Variants in ITPR2 observed in about 807,000 individuals in gnomAD.
ITPR2 encodes inositol 1,4,5-trisphosphate receptor type 2.
ITPR2 carries 207 observed loss-of-function variants against 317.1 expected under a neutral mutation model. The ratio of observed to expected loss-of-function variants is 0.65; its 90% CI spans 0.58 to 0.73. The LOEUF is 0.73. ITPR2 is among the 30% of genes least tolerant of loss of function. The probability of loss-of-function intolerance (pLI) is 0.00; values close to 1 mark genes in which losing one functional copy is unlikely to be tolerated. For synonymous variants in ITPR2, 1,156 were observed against 1,149.1 expected, an observed-to-expected ratio of 1.01 and a Z score of -0.12; for missense variants, 2,613 against 3,284.0, an observed-to-expected ratio of 0.80 and a Z score of 4.99.
intron 49 of ITPR2, among the ~76,000 whole-genome samples, chr12:26,421,068 T>A (rs1940877744): frequency 6.6e-6 from 1 of 151,922 alleles, no homozygotes; most frequent in Non-Finnish European, 1.5e-5. Flanking sequence ...ATTCTCCAAA[T>A]GAAATCATAA....
At chr12:26,516,250 A>AAG (rs1943493740) in intron 37 of ITPR2, among the ~76,000 whole-genome samples, 1 of 34,666 alleles carries the variant, frequency 2.9e-5, no homozygotes, top group Non-Finnish European at 7.0e-5. Context: ...AGGAAAGGAA[A>AAG]GGAAAGGAAA....
In ITPR2 at chr12:26,512,821, ATTTTTTT is replaced by A. The variant is rs371730693; in HGVS notation, c.5074-17568_5074-17562del. On this transcript the variant is annotated intron_variant, in intron 37 of 56. Coordinates refer to ENST00000381340, the MANE Select transcript of ITPR2 (RefSeq NM_002223.4). ...TCTCAACGGACAGGGAAGGGAAACAATTTTTTTTTTTTTTTTTTTGAGACAGAGTTTT... is the reference window on the plus strand; with the variant it reads ...TCTCAACGGACAGGGAAGGGAAACAATTTTTTTTTTTTGAGACAGAGTTTT... 1.3e-4 allele frequency among the ~76,000 whole-genome samples: 18 copies of A among 135,424 alleles called. No individual in the cohort carries two copies. In the East Asian group the frequency reaches 3.2e-3, roughly 24 times the overall value. The allele number at this position is 135,424 out of a possible 152,430, so 88.8% of individuals were successfully genotyped here.
Position 26,340,806 on chromosome 12 carries a change from C to T in ITPR2, c.7858-478G>A, listed in dbSNP as rs184160119. 2.0e-3 allele frequency among the ~76,000 whole-genome samples: 299 copies of T among 152,280 alleles called. 4 individuals are homozygous for T. The highest frequency in any genetic ancestry group is 3.4e-3 in the Middle Eastern group (1 of 294). On this transcript the variant is annotated intron_variant, in intron 55 of 56. Coordinates refer to ENST00000381340, the MANE Select transcript of ITPR2 (RefSeq NM_002223.4). Reference sequence around the variant, plus strand: ...CTCCCACTTCCTCTGTAAAGGCTCCCCACCAGCTCTGCCTCCCTCAGAGCT... The same window carrying T: ...CTCCCACTTCCTCTGTAAAGGCTCCTCACCAGCTCTGCCTCCCTCAGAGCT...
At chr12:26,447,994 CT>C (rs376160734) in intron 45 of ITPR2, among the ~76,000 whole-genome samples, 1 of 82,166 alleles carries the variant, frequency 1.2e-5, no homozygotes, top group Non-Finnish European at 3.3e-5. Flanking sequence ...TTTTACATGA[CT>C]TTTTTTTAAA....
chr12:26,600,290 T>G (rs1945964915), intron 28 of ITPR2, among the ~76,000 whole-genome samples, 181 bp from the exon 29 acceptor site: 1 of 152,134 alleles, frequency 6.6e-6, no homozygotes, highest in South Asian at 2.1e-4. Flanking sequence ...CTCTGTTTTC[T>G]AGATCTTTCT....
intron 15 of ITPR2, among the ~76,000 whole-genome samples, chr12:26,659,603 C>G (rs759353475): frequency 6.6e-6 from 1 of 152,042 alleles, no homozygotes; most frequent in African/African-American, 2.4e-5. Context: ...GACACAATAA[C>G]TTTGGATTTC....
chr12:26,774,441 C>T (rs983691221), intron 2 of ITPR2, among the ~76,000 whole-genome samples: 12 of 152,124 alleles, frequency 7.9e-5, no homozygotes, highest in African/African-American at 2.9e-4. Flanking sequence ...GAGTTCGAAA[C>T]CAGCCTGGTC....
intron 2 of ITPR2, among the ~76,000 whole-genome samples, chr12:26,782,026 A>G (rs1433114997): frequency 0.041 from 1,037 of 25,426 alleles, 3 homozygotes; most frequent in African/African-American, 0.072. Flanking sequence ...ATATATATAT[A>G]TATATATGTA....
At chr12:26,525,227 A>G (rs1233527486) in intron 37 of ITPR2, among the ~76,000 whole-genome samples, 1 of 152,224 alleles carries the variant, frequency 6.6e-6, no homozygotes, top group Non-Finnish European at 1.5e-5. Context: ...CTACTCTAAT[A>G]TCCCTGCCAA....
At chr12:26,387,774 G>A (rs1004158983) in intron 54 of ITPR2, among the ~76,000 whole-genome samples, 180 bp from the exon 55 acceptor site, 2 of 152,160 alleles carry the variant, frequency 1.3e-5, no homozygotes, top group South Asian at 2.1e-4. Context: ...AGAGGCCATC[G>A]TTTATAGATT....
At chr12:26,518,625 T>A (rs1943590004) in intron 37 of ITPR2, among the ~76,000 whole-genome samples, 2 of 151,954 alleles carry the variant, frequency 1.3e-5, no homozygotes, top group African/African-American at 2.4e-5. Context: ...AAAATAAATG[T>A]CATACCCAAA....
chr12:26,624,843 G>A (rs1946584231), intron 23 of ITPR2, among the ~76,000 whole-genome samples: 1 of 151,502 alleles, frequency 6.6e-6, no homozygotes, highest in South Asian at 2.1e-4. Flanking sequence ...GGGTGTATAT[G>A]AAAAAGAAAG....
intron 37 of ITPR2, among the ~76,000 whole-genome samples, chr12:26,515,699 A>G (rs1373670315): frequency 2.6e-5 from 4 of 152,134 alleles, no homozygotes; most frequent in Non-Finnish European, 2.9e-5. Context: ...CGCATCCCCA[A>G]GAAGTTAAGG....
Position 26,631,736 on chromosome 12 carries a change from C to A in ITPR2, c.2934+130G>T. On this transcript the variant is annotated intron_variant, in intron 22 of 56. Transcript: ENST00000381340. The stretch of plus-strand genomic sequence containing the variant: ...TATTTTTTACCAGGTTTGTCATTAA[C>A]TTAAAAAAATAAAATTATATTGATA... 5 of 762,434 alleles carry A rather than the reference C, an allele frequency of 6.6e-6. No individual in the cohort carries two copies. In the South Asian group the frequency reaches 9.5e-5, roughly 15 times the overall value. 47.2% of individuals were successfully genotyped at this position (762,434 alleles called of 1,614,324 possible).
intron 9 of ITPR2, among the ~76,000 whole-genome samples, chr12:26,710,950 T>C (rs749057656): frequency 2.6e-5 from 4 of 152,204 alleles, no homozygotes; most frequent in Non-Finnish European, 5.9e-5. Context: ...GTAAAACAAC[T>C]GCAGAGTTTT....
At position 26,810,174 on chromosome 12, in the gene ITPR2, G is replaced by T. The variant is rs113798298; in HGVS notation, c.93-19947C>A. ...TCTGTGATGGGCACATGACTGAAAG[G>T]TTCACTCTGGAAGGAGATTTAGTAT... On this transcript the variant is annotated intron_variant, in intron 1 of 56. Coordinates refer to ENST00000381340, the MANE Select transcript of ITPR2 (RefSeq NM_002223.4). Among the ~76,000 whole-genome samples, 47 of 152,324 alleles carry T rather than the reference G, an allele frequency of 3.1e-4. 1 individual carries two copies. The highest frequency in any genetic ancestry group is 1.0e-3 in the African/African-American group (43 of 41,576).
At chr12:26,696,504 T>C (rs1948353474) in intron 9 of ITPR2, among the ~76,000 whole-genome samples, 1 of 152,046 alleles carries the variant, frequency 6.6e-6, no homozygotes, top group Admixed American at 6.6e-5. Flanking sequence ...GCTCTGAGAA[T>C]TGCCCCTTCC....
chr12:26,561,750 G>A lies in ITPR2; in HGVS notation c.4821+12C>T, dbSNP rs200340714. 6.7e-5 allele frequency: 103 copies of A among 1,531,940 alleles called. No homozygotes were observed. Among genetic ancestry groups the A allele is most frequent in the African/African-American group, 1.9e-4 (13 of 69,668 alleles). 94.9% of individuals were successfully genotyped at this position (1,531,940 alleles called of 1,614,324 possible). On this transcript the variant is annotated intron_variant, in intron 35 of 56. Coordinates refer to ENST00000381340, the MANE Select transcript of ITPR2 (RefSeq NM_002223.4). ...TTAGAAAATATTAATGCTATTTCAC[G>A]CTTTCATGTACCTGTAACTTTTCAA...
chr12:26,546,680 C>T (rs940241373), intron 37 of ITPR2, among the ~76,000 whole-genome samples: 1 of 151,890 alleles, frequency 6.6e-6, no homozygotes, highest in African/African-American at 2.4e-5. Context: ...CTAACCAAAG[C>T]AGCACGGTAT....
Sources: gnomAD v4.1 joint callset for allele counts (sites outside exome capture counted in the v4.1 genomes callset) on GRCh38, gnomAD v4.1.1 for gene constraint, MANE v1.5 for transcripts, NCBI Gene and HGNC (gene_info 2026-07-23, HGNC 2026-07-21) for gene names.